The following EPRS1 variants were observed in gnomAD, a reference collection of about 807,000 sequenced individuals.
EPRS1 encodes bifunctional glutamate/proline--tRNA ligase.
Under a neutral mutation model 188.3 loss-of-function variants are expected in EPRS1, and 107 were observed. The ratio of observed to expected loss-of-function variants is 0.57; its 90% CI spans 0.49 to 0.67. The LOEUF (loss-of-function observed/expected upper bound fraction) is 0.67, where lower values mean the gene tolerates loss of function less well. Among genes scored for constraint, EPRS1 ranks in the 30% least tolerant of loss-of-function variants. The pLI is 0.00. For missense variants in EPRS1, 1,577 were observed against 1,802.2 expected (o/e 0.88, Z 2.26); for synonymous variants, 596 against 593.1 (o/e 1.00, Z -0.07).
intron 1 of EPRS1, among the ~76,000 whole-genome samples, chr1:220,041,228 G>A (rs1422021518): frequency 6.6e-6 from 1 of 151,826 alleles, no homozygotes; most frequent in Non-Finnish European, 1.5e-5. Flanking sequence ...GCTACCCAGG[G>A]GGCTGAGGTG....
At chr1:220,025,726 A>C (rs1333022546) in intron 6 of EPRS1, among the ~76,000 whole-genome samples, 1 of 152,176 alleles carries the variant, frequency 6.6e-6, no homozygotes, top group Non-Finnish European at 1.5e-5. Context: ...AAATGAAAAG[A>C]GCACATGACA....
intron 1 of EPRS1, among the ~76,000 whole-genome samples, chr1:220,042,913 C>T (rs1458338448): frequency 6.6e-6 from 1 of 151,864 alleles, no homozygotes; most frequent in African/African-American, 2.4e-5. Flanking sequence ...GGGTGAGACT[C>T]CATCTCAAAA....
At chr1:219,994,089 GTCATT>G (rs1661176909) in intron 18 of EPRS1, among the ~76,000 whole-genome samples, 1 of 152,226 alleles carries the variant, frequency 6.6e-6, no homozygotes, top group South Asian at 2.1e-4. Context: ...TTTGTTTGAT[GTCATT>G]TCATCATAAC....
chr1:220,018,611 A>G, intron 11 of EPRS1, 103 bp from the exon 12 acceptor site: 1 of 760,418 alleles, frequency 1.3e-6, no homozygotes, highest in Non-Finnish European at 2.2e-6. Flanking sequence ...AAAACTCGAT[A>G]AATACTTTCA....
intron 23 of EPRS1, among the ~76,000 whole-genome samples, chr1:219,981,738 G>A (rs1207848763): frequency 2.6e-5 from 4 of 151,958 alleles, no homozygotes; most frequent in Non-Finnish European, 4.4e-5. Flanking sequence ...AATGTACTTC[G>A]ACGGTTTTCA....
intron 5 of EPRS1, 39 bp from the exon 6 acceptor site, chr1:220,030,519 G>A: frequency 6.8e-7 from 1 of 1,466,138 alleles, no homozygotes; most frequent in Non-Finnish European, 9.6e-7. Flanking sequence ...AAAGTCTTAT[G>A]GTTAAATGTC....
chr1:220,017,654 A>G (rs1464756200), intron 12 of EPRS1, among the ~76,000 whole-genome samples: 1 of 152,206 alleles, frequency 6.6e-6, no homozygotes, highest in East Asian at 1.9e-4. Flanking sequence ...AATTTACAGA[A>G]CACAATCACA....
chr1:220,027,372 G>A (rs1241387473), intron 6 of EPRS1, among the ~76,000 whole-genome samples: 2 of 151,810 alleles, frequency 1.3e-5, no homozygotes, highest in African/African-American at 4.8e-5. Flanking sequence ...AGCTTGCAGT[G>A]AGCCAAGATC....
At chr1:220,040,438 G>A (rs1662270258) in intron 1 of EPRS1, among the ~76,000 whole-genome samples, 169 bp from the exon 2 acceptor site, 1 of 152,202 alleles carries the variant, frequency 6.6e-6, no homozygotes, top group South Asian at 2.1e-4. Context: ...TCTCAGAGCA[G>A]CAACAAATCA....
At chr1:219,994,335 T>C (rs1661184708) in intron 18 of EPRS1, among the ~76,000 whole-genome samples, 1 of 152,148 alleles carries the variant, frequency 6.6e-6, no homozygotes, top group East Asian at 1.9e-4. Flanking sequence ...GTTCCTGCCT[T>C]GAGCCCTGAG....
rs545500822 is a variant in EPRS1, at chr1:220,003,638, C to T, written c.2063+1610G>A. Among the ~76,000 whole-genome samples the T allele has an allele frequency of 7.2e-5, 11 of 152,318 alleles. No homozygotes were observed. The South Asian group carries it at 1.4e-3, about 20-fold the overall frequency. ...GTGTAGCTATTCAGTTCTTCTAGCA[C>T]TATTTGTTGAAAAGTTCAAAAACTT... On this transcript the variant is annotated intron_variant, in intron 16 of 31. Coordinates refer to ENST00000366923, the MANE Select transcript of EPRS1 (RefSeq NM_004446.3).
chr1:220,036,305 G>A (rs1229683436), intron 2 of EPRS1, among the ~76,000 whole-genome samples: 2 of 152,052 alleles, frequency 1.3e-5, no homozygotes, highest in Non-Finnish European at 2.9e-5. Flanking sequence ...ACAGAACTAC[G>A]ATTCAACCCA....
intron 1 of EPRS1, among the ~76,000 whole-genome samples, chr1:220,040,765 G>A (rs1374530257): frequency 4.0e-5 from 6 of 151,712 alleles, no homozygotes; most frequent in East Asian, 1.9e-4. Context: ...CAGGAGAATC[G>A]CTTGAACCTG....
intron 29 of EPRS1, 74 bp downstream of exon 29, chr1:219,973,164 A>G (rs1660701729): frequency 2.2e-6 from 3 of 1,381,378 alleles, no homozygotes; most frequent in Non-Finnish European, 3.0e-6. Context: ...GGCAACCCCA[A>G]AAATTCCTTG....
In EPRS1 at chr1:219,980,067, T is replaced by C. The variant is rs759903052; in HGVS notation, c.3711+18A>G. 5 of 1,610,882 alleles carry C rather than the reference T, an allele frequency of 3.1e-6. No homozygotes were observed. In the Admixed American group the frequency reaches 8.4e-5, roughly 27 times the overall value. On this transcript the variant is annotated intron_variant, in intron 26 of 31. Coordinates refer to ENST00000366923, the MANE Select transcript of EPRS1 (RefSeq NM_004446.3). Reference sequence around the variant, plus strand: ...TGTGCTTACAGTGACCTACGAATCCTGTGTGGCAGTTTGATACCTGGATAG... The same window carrying C: ...TGTGCTTACAGTGACCTACGAATCCCGTGTGGCAGTTTGATACCTGGATAG...
chr1:220,042,949 A>T (rs1662327179), intron 1 of EPRS1, among the ~76,000 whole-genome samples: 1 of 152,102 alleles, frequency 6.6e-6, no homozygotes, highest in Non-Finnish European at 1.5e-5. Flanking sequence ...AACAACATCA[A>T]CAACAACAAA....
chr1:220,012,511 T>C (rs2248719), intron 12 of EPRS1, among the ~76,000 whole-genome samples: 122,056 of 152,174 alleles, frequency 0.8, 49,115 homozygotes, highest in East Asian at 0.93. Flanking sequence ...GACAACTTGG[T>C]CTGAAGTAAA....
At chr1:219,984,121 C>T in intron 21 of EPRS1, 85 bp downstream of exon 21, 1 of 909,462 alleles carries the variant, frequency 1.1e-6, no homozygotes, top group Non-Finnish European at 1.8e-6. Flanking sequence ...TTACTATTGC[C>T]TTTGTGCCCA....
chr1:220,038,390 C>CTTTTTTTTTTTTTTTTTTTTTTTTT (rs71169431), intron 2 of EPRS1, among the ~76,000 whole-genome samples: 1 of 101,590 alleles, frequency 9.8e-6, no homozygotes. Context: ...CTCAGTTTAT[C>CTTTTTTTTTTTTTTTTTTTTTTTTT]TTTTTTTTTT....
Sources: allele counts gnomAD v4.1 joint callset (sites outside exome capture counted in the v4.1 genomes callset), GRCh38; gene constraint gnomAD v4.1.1; transcripts MANE v1.5; gene names NCBI Gene and HGNC (gene_info 2026-07-23, HGNC 2026-07-21).